The following A4GALT variants were observed in gnomAD, a reference collection of about 807,000 sequenced individuals.
A4GALT encodes alpha 1,4-galactosyltransferase (P1PK blood group).
For synonymous variants in A4GALT, 257 were observed against 220.7 expected (o/e 1.16, Z -1.46); for missense variants, 512 against 486.0 (o/e 1.05, Z -0.50).
At chr22:42,694,452 GA>G (rs1411876279) in intron 2 of A4GALT, 1 of 174,470 alleles carries the variant, frequency 5.7e-6, no homozygotes, top group Non-Finnish European at 1.3e-5. Flanking sequence ...ACAGGCCACT[GA>G]GGGGCCCTGA....
intron 1 of A4GALT, among the ~76,000 whole-genome samples, chr22:42,702,137 C>T (rs969261804): frequency 2.0e-5 from 3 of 152,048 alleles, no homozygotes. Context: ...TTTCTCTCTC[C>T]TCATCCCCCT....
Position 42,702,654 on chromosome 22 carries a change from C to CT in A4GALT, c.-187-7024_-187-7023insA, listed in dbSNP as rs1421738325. Among the ~76,000 whole-genome samples, 634 of 145,538 alleles carry CT rather than the reference C, an allele frequency of 4.4e-3. 29 individuals carry two copies. Among genetic ancestry groups the CT allele is most frequent in the African/African-American group, 0.012 (439 of 35,342 alleles). Reference sequence around the variant, plus strand: ...GTCCGGCTGAAACACACTCTTTACCCCCAACTGGCATGGGAGCCCCCTTGC... The same window carrying CT: ...GTCCGGCTGAAACACACTCTTTACCCTCCAACTGGCATGGGAGCCCCCTTGC... On this transcript the variant is annotated intron_variant, in intron 1 of 2. Transcript: ENST00000642412.
At chr22:42,709,317 C>T (rs116597394) in intron 1 of A4GALT, among the ~76,000 whole-genome samples, 1,678 of 131,926 alleles carry the variant, frequency 0.013, 31 homozygotes, top group African/African-American at 0.045. Context: ...AATGCTGGAA[C>T]TACAGGCACG....
chr22:42,706,227 C>T (rs974604799), intron 1 of A4GALT, among the ~76,000 whole-genome samples: 19 of 146,644 alleles, frequency 1.3e-4, no homozygotes, highest in Middle Eastern at 3.7e-3. Context: ...TGGTGGCGGG[C>T]ACCTATAGTC....
intron 1 of A4GALT, among the ~76,000 whole-genome samples, chr22:42,700,174 C>T (rs569142620): frequency 2.6e-5 from 4 of 152,294 alleles, no homozygotes; most frequent in Admixed American, 6.5e-5. Flanking sequence ...CAGCCCTCGT[C>T]CCCTGGAAAT....
chr22:42,707,297 A>T (rs946661943), intron 1 of A4GALT, among the ~76,000 whole-genome samples: 1 of 152,220 alleles, frequency 6.6e-6, no homozygotes, highest in Non-Finnish European at 1.5e-5. Flanking sequence ...ATGACTAGAA[A>T]TTAATTTAAA....
chr22:42,710,301 T>G (rs1351161617), intron 1 of A4GALT, among the ~76,000 whole-genome samples: 1 of 152,078 alleles, frequency 6.6e-6, no homozygotes, highest in Non-Finnish European at 1.5e-5. Flanking sequence ...CACACACACT[T>G]AAATATAAAT....
intron 1 of A4GALT, among the ~76,000 whole-genome samples, chr22:42,713,671 G>C (rs144622349): frequency 1.3e-5 from 2 of 152,024 alleles, no homozygotes; most frequent in East Asian, 3.9e-4. Context: ...AATTAGCCAG[G>C]CATGGTGGTG....
intron 1 of A4GALT, among the ~76,000 whole-genome samples, chr22:42,711,018 CTG>C (rs970068726): frequency 6.7e-5 from 10 of 149,462 alleles, no homozygotes. Context: ...CAGCAGGACT[CTG>C]TCTCAAAAAA....
In A4GALT at chr22:42,693,576, G is replaced by C. The variant is rs142381337; in HGVS notation, c.376C>G (p.Arg126Gly). 5.6e-6 allele frequency: 9 copies of C among 1,613,586 alleles called. No individual in the cohort carries two copies. Among genetic ancestry groups the C allele is most frequent in the South Asian group, 1.1e-5 (1 of 91,072 alleles). The change falls in exon 3 of 3, where the codon CGG (arginine) becomes GGG (glycine). Residue 126 changes from arginine (R) to glycine (G), a missense_variant. Coordinates refer to ENST00000642412, the MANE Select transcript of A4GALT (RefSeq NM_017436.7). The part of the protein sequence containing the change: ...GLPGGNASLP[R>G]HLGISLLSCF... ...CTCAGAAGTGAGATGCCCAGGTGCC[G>C]GGGCAGAGAGGCGTTGCCACCCGGA...
At chr22:42,715,246 T>A (rs1922069867) in intron 1 of A4GALT, among the ~76,000 whole-genome samples, 1 of 152,058 alleles carries the variant, frequency 6.6e-6, no homozygotes, top group South Asian at 2.1e-4. Flanking sequence ...TTAAGGTAGT[T>A]CCTGCCTTCA....
intron 1 of A4GALT, among the ~76,000 whole-genome samples, chr22:42,712,796 C>T (rs1921810031): frequency 6.6e-6 from 1 of 152,166 alleles, no homozygotes. Flanking sequence ...GTAATCCCAG[C>T]TACTTGGTAG....
At chr22:42,719,092 CCTG>C (rs1181838880) in intron 1 of A4GALT, among the ~76,000 whole-genome samples, 1 of 152,206 alleles carries the variant, frequency 6.6e-6, no homozygotes, top group Non-Finnish European at 1.5e-5. Context: ...TTCTGCCAAT[CCTG>C]CTCCACACTG....
chr22:42,709,649 G>A (rs151292395), intron 1 of A4GALT, among the ~76,000 whole-genome samples: 1,528 of 152,130 alleles, frequency 0.01, 35 homozygotes, highest in African/African-American at 0.035. Flanking sequence ...AATTAGCCCA[G>A]TGTGGTGGGG....
intron 1 of A4GALT, among the ~76,000 whole-genome samples, chr22:42,705,890 C>T (rs1470087990): frequency 8.3e-6 from 1 of 120,972 alleles, no homozygotes; most frequent in African/African-American, 2.7e-5. Context: ...CCTGTATCTA[C>T]TAAAAATACG....
intron 1 of A4GALT, among the ~76,000 whole-genome samples, chr22:42,720,158 C>T (rs1342937662): frequency 1.3e-5 from 2 of 151,990 alleles, no homozygotes; most frequent in Non-Finnish European, 2.9e-5. Context: ...CCTGCGGATC[C>T]GAGGCGAGCG....
intron 1 of A4GALT, among the ~76,000 whole-genome samples, chr22:42,704,239 T>C (rs1338484673): frequency 6.6e-6 from 1 of 152,086 alleles, no homozygotes; most frequent in African/African-American, 2.4e-5. Context: ...TCCCAGCACT[T>C]TGGGAGGCCA....
intron 1 of A4GALT, among the ~76,000 whole-genome samples, chr22:42,720,308 C>T (rs986871939): frequency 6.6e-6 from 1 of 152,246 alleles, no homozygotes; most frequent in Non-Finnish European, 1.5e-5. Context: ...GCTGCCAGCC[C>T]GGCAGAGCCC....
chr22:42,717,275 C>G (rs777366572), intron 1 of A4GALT, among the ~76,000 whole-genome samples: 61 of 152,252 alleles, frequency 4.0e-4, no homozygotes, highest in Middle Eastern at 6.8e-3. Flanking sequence ...TTCCCAAGGG[C>G]TTGTGGTTGG....
Sources: allele counts gnomAD v4.1 joint callset (sites outside exome capture counted in the v4.1 genomes callset), GRCh38; gene constraint gnomAD v4.1.1; transcripts MANE v1.5; gene names NCBI Gene and HGNC (gene_info 2026-07-23, HGNC 2026-07-21).